OTUD7A: variants seen among roughly 807,000 people sequenced by gnomAD.
OTUD7A encodes the protein OTU domain-containing protein 7A.
OTUD7A carries 12 observed loss-of-function variants against 65.7 expected under a neutral mutation model. That is an observed-to-expected ratio of 0.18 (90% confidence interval 0.12 to 0.30). The LOEUF is 0.30. Ranked by LOEUF, OTUD7A falls within the 10% of genes least tolerant of loss-of-function variation. OTUD7A has a pLI of 1.00. For missense variants in OTUD7A, 1,148 were observed against 1,304.8 expected (o/e 0.88, Z 1.85); for synonymous variants, 641 against 586.3 (o/e 1.09, Z -1.35).
intron 1 of OTUD7A, among the ~76,000 whole-genome samples, chr15:31,728,919 C>T (rs1350156650): frequency 2.3e-4 from 35 of 152,320 alleles, no homozygotes; most frequent in Non-Finnish European, 7.3e-5. Flanking sequence ...TAGAGAGCAC[C>T]AGCTAAAAAC....
At position 31,832,436 on chromosome 15, in the gene OTUD7A, TA is replaced by T. The variant is rs773084911; in HGVS notation, c.-100+38070del. Among the ~76,000 whole-genome samples, 66 of 151,534 alleles carry T rather than the reference TA, an allele frequency of 4.4e-4. 1 individual carries two copies. The highest frequency in any genetic ancestry group is 3.6e-3 in the South Asian group (17 of 4,786). On this transcript the variant is annotated intron_variant, in intron 1 of 12. Transcript: ENST00000307050. The stretch of plus-strand genomic sequence containing the variant: ...AGACAGACACAAATCATTGATACTT[TA>T]AAAAAAAATAGTGGTATATTATACA...
At chr15:31,737,268 C>T (rs565903216) in intron 1 of OTUD7A, among the ~76,000 whole-genome samples, 110 of 152,204 alleles carry the variant, frequency 7.2e-4, no homozygotes, top group African/African-American at 2.6e-3. Flanking sequence ...AAGGGACTAA[C>T]AGCCCTCTAA....
At chr15:31,713,209 G>A (rs1317346731) in intron 1 of OTUD7A, among the ~76,000 whole-genome samples, 4 of 152,194 alleles carry the variant, frequency 2.6e-5, no homozygotes, top group African/African-American at 4.8e-5. Context: ...AGTTGATGGC[G>A]TTTCTGAATG....
intron 3 of OTUD7A, among the ~76,000 whole-genome samples, chr15:31,593,349 G>T (rs1272186587): frequency 6.6e-6 from 1 of 152,070 alleles, no homozygotes; most frequent in Non-Finnish European, 1.5e-5. Flanking sequence ...TCACTCAGAA[G>T]TGGGGTCTCG....
chr15:31,789,401 A>G (rs1895755625), intron 1 of OTUD7A, among the ~76,000 whole-genome samples: 1 of 152,238 alleles, frequency 6.6e-6, no homozygotes, highest in Non-Finnish European at 1.5e-5. Context: ...TGTTTCTAAT[A>G]CTAAAGGTTA....
At chr15:31,781,791 A>G (rs182780009) in intron 1 of OTUD7A, among the ~76,000 whole-genome samples, 38 of 152,328 alleles carry the variant, frequency 2.5e-4, no homozygotes, top group Admixed American at 2.0e-3. Context: ...ACTGCTTCCA[A>G]TGAAAATGGC....
chr15:31,763,629 CG>C (rs1472566484), intron 1 of OTUD7A, among the ~76,000 whole-genome samples: 2 of 152,046 alleles, frequency 1.3e-5, no homozygotes, highest in African/African-American at 4.8e-5. Context: ...ATTTGACAAA[CG>C]GTGGCTGAAA....
intron 3 of OTUD7A, among the ~76,000 whole-genome samples, chr15:31,635,690 G>T (rs571189831): frequency 2.6e-5 from 4 of 152,354 alleles, no homozygotes; most frequent in South Asian, 4.1e-4. Context: ...CCTAAGTGGG[G>T]TTTGAAAAAG....
At chr15:31,699,979 G>A (rs1182707805) in intron 1 of OTUD7A, among the ~76,000 whole-genome samples, 2 of 151,458 alleles carry the variant, frequency 1.3e-5, no homozygotes, top group African/African-American at 2.4e-5. Flanking sequence ...CACTTACTGC[G>A]TTCTCTGCAC....
intron 1 of OTUD7A, chr15:31,787,765 T>C (rs1171129464): frequency 3.3e-5 from 5 of 152,228 alleles, no homozygotes; most frequent in Admixed American, 6.5e-5. Context: ...ATAGAATTCA[T>C]AGCAGTGCAA....
chr15:31,567,090 C>T (rs1390220072), intron 4 of OTUD7A, among the ~76,000 whole-genome samples: 1 of 152,170 alleles, frequency 6.6e-6, no homozygotes, highest in Non-Finnish European at 1.5e-5. Context: ...AGTTGGAAGT[C>T]TGGAGGATTC....
intron 8 of OTUD7A, among the ~76,000 whole-genome samples, chr15:31,516,051 C>T (rs1174632297): frequency 6.6e-6 from 1 of 152,236 alleles, no homozygotes; most frequent in Non-Finnish European, 1.5e-5. Flanking sequence ...TCTGTCCATT[C>T]ATCTACCCGT....
At chr15:31,504,952 G>A (rs540375391) in intron 8 of OTUD7A, among the ~76,000 whole-genome samples, 3 of 151,552 alleles carry the variant, frequency 2.0e-5, no homozygotes, top group South Asian at 2.1e-4. Context: ...GTGCAGTGGC[G>A]TTATCTCAGC....
intron 1 of OTUD7A, among the ~76,000 whole-genome samples, chr15:31,806,535 T>C (rs574006026): frequency 6.6e-6 from 1 of 152,304 alleles, no homozygotes; most frequent in Non-Finnish European, 1.5e-5. Context: ...CATCCTTCCA[T>C]GCAGACCCCT....
At chr15:31,557,188 AT>A (rs2141155272) in intron 5 of OTUD7A, 1 of 152,374 alleles carries the variant, frequency 6.6e-6, no homozygotes, top group African/African-American at 2.4e-5. Context: ...CACTAGGCAC[AT>A]CTCGTCCTTT....
intron 3 of OTUD7A, among the ~76,000 whole-genome samples, chr15:31,600,849 A>G (rs1054840575): frequency 6.6e-6 from 1 of 152,226 alleles, no homozygotes; most frequent in African/African-American, 2.4e-5. Context: ...AACAAAGATC[A>G]AAAGAGACAA....
At chr15:31,768,658 GAA>G (rs56953817) in intron 1 of OTUD7A, among the ~76,000 whole-genome samples, 6 of 133,598 alleles carry the variant, frequency 4.5e-5, no homozygotes, top group African/African-American at 1.6e-4. Context: ...CCATCACAAA[GAA>G]AAAAAAAAAA....
At chr15:31,847,339 A>C (rs750495457) in intron 1 of OTUD7A, among the ~76,000 whole-genome samples, 20 of 152,182 alleles carry the variant, frequency 1.3e-4, no homozygotes, top group Non-Finnish European at 2.5e-4. Context: ...ATAGAAATGA[A>C]AAAAGGGTGT....
chr15:31,757,587 G>A (rs1263929226), intron 1 of OTUD7A, among the ~76,000 whole-genome samples: 3 of 151,958 alleles, frequency 2.0e-5, no homozygotes, highest in Admixed American at 6.6e-5. Context: ...CCAGCCAGCC[G>A]CAACGTATTC....
Sources: allele counts gnomAD v4.1 joint callset (sites outside exome capture counted in the v4.1 genomes callset), GRCh38; gene constraint gnomAD v4.1.1; transcripts MANE v1.5; gene names NCBI Gene and HGNC (gene_info 2026-07-23, HGNC 2026-07-21).